Variants in NT5DC1 observed in about 807,000 individuals in gnomAD.
NT5DC1 encodes 5'-nucleotidase domain containing 1.
Under a neutral mutation model 59.4 loss-of-function variants are expected in NT5DC1, and 42 were observed. The ratio of observed to expected loss-of-function variants is 0.71; its 90% CI spans 0.55 to 0.92. The LOEUF (loss-of-function observed/expected upper bound fraction) is 0.92, where lower values mean the gene tolerates loss of function less well. NT5DC1 is among the 40% of genes least tolerant of loss of function. The pLI, the probability that NT5DC1 is intolerant of heterozygous loss-of-function variation, is 0.00. For synonymous variants in NT5DC1, 172 were observed against 188.1 expected (o/e 0.91, Z 0.70); for missense variants, 501 against 537.1 (o/e 0.93, Z 0.66).
chr6:116,223,994 T>C (rs1781859718), intron 8 of NT5DC1, among the ~76,000 whole-genome samples: 1 of 152,174 alleles, frequency 6.6e-6, no homozygotes, highest in Admixed American at 6.5e-5. Flanking sequence ...TACATGCATA[T>C]TATATGCAAA....
At chr6:116,195,132 CATT>C (rs1489399082) in intron 6 of NT5DC1, among the ~76,000 whole-genome samples, 2 of 152,042 alleles carry the variant, frequency 1.3e-5, no homozygotes, top group Non-Finnish European at 2.9e-5. Flanking sequence ...TATATCATCT[CATT>C]GTTAGTTCTC....
At chr6:116,121,341 C>T (rs1283578377) in intron 6 of NT5DC1, 2 of 1,614,100 alleles carry the variant, frequency 1.2e-6, no homozygotes, top group African/African-American at 1.3e-5. Context: ...CCTTCTGGCC[C>T]TCGTTCCCCA....
At chr6:116,191,937 G>T (rs1781127348) in intron 6 of NT5DC1, among the ~76,000 whole-genome samples, 1 of 152,022 alleles carries the variant, frequency 6.6e-6, no homozygotes, top group African/African-American at 2.4e-5. Flanking sequence ...AAGCTACATT[G>T]ATTGCCATGA....
rs374250798 is a variant in NT5DC1, at chr6:116,121,192, T to G, written c.529+3247T>G. The stretch of plus-strand genomic sequence containing the variant: ...CAGGAAGGCCAGCAGGTCCTCTTTC[T>G]CCCTTCAGGCCTGGCAAGCCTGGTT... On this transcript the variant is annotated intron_variant, in intron 6 of 11. Transcript: ENST00000319550. The G allele has an allele frequency of 1.4e-4, 222 of 1,613,254 alleles. 2 individuals are homozygous for G. The East Asian group carries it at 4.6e-3, about 33-fold the overall frequency.
chr6:116,160,056 G>A (rs1446103644), intron 6 of NT5DC1, among the ~76,000 whole-genome samples: 1 of 152,044 alleles, frequency 6.6e-6, no homozygotes, highest in African/African-American at 2.4e-5. Context: ...TTGCTATTGT[G>A]AATAGTGCTC....
chr6:116,181,608 T>C (rs1166519582), intron 6 of NT5DC1, among the ~76,000 whole-genome samples: 1 of 152,132 alleles, frequency 6.6e-6, no homozygotes, highest in African/African-American at 2.4e-5. Context: ...CCACTTTTTT[T>C]CATTACATTA....
Position 116,245,815 on chromosome 6 carries a change from G to A in NT5DC1, c.*1791G>A, listed in dbSNP as rs79375219. 61 of 152,072 alleles carry A rather than the reference G, an allele frequency of 4.0e-4. No individual in the cohort carries two copies. The highest frequency in any genetic ancestry group is 1.4e-3 in the African/African-American group (60 of 41,490). 9.4% of individuals were successfully genotyped at this position (152,072 alleles called of 1,614,324 possible). A position where few individuals can be genotyped will look rare whatever the true frequency, so the allele number is the denominator to read the frequency against. On this transcript the variant is annotated 3_prime_UTR_variant, in exon 12 of 12. Coordinates refer to ENST00000319550, the MANE Select transcript of NT5DC1 (RefSeq NM_152729.3). ...CTTTTTGGGCCACTTGAGTAGTGGC[G>A]GGGGTTCAGGAGGCAGAATTCAGTT...
chr6:116,179,481 G>A (rs1215430744), intron 6 of NT5DC1, among the ~76,000 whole-genome samples: 1 of 151,950 alleles, frequency 6.6e-6, no homozygotes, highest in Admixed American at 6.6e-5. Context: ...CTAAGAACCC[G>A]AATAGACAAT....
intron 5 of NT5DC1, among the ~76,000 whole-genome samples, chr6:116,117,054 C>G (rs1367439784): frequency 6.6e-6 from 1 of 152,096 alleles, no homozygotes; most frequent in African/African-American, 2.4e-5. Flanking sequence ...ACTTGCAGCT[C>G]TTTCATATCG....
chr6:116,224,558 G>A (rs931512010), intron 8 of NT5DC1, among the ~76,000 whole-genome samples: 3 of 152,224 alleles, frequency 2.0e-5, no homozygotes, highest in African/African-American at 4.8e-5. Flanking sequence ...TGACTTGCAA[G>A]GCGAGCCCTA....
chr6:116,128,856 C>G (rs571118869), intron 6 of NT5DC1, among the ~76,000 whole-genome samples: 1 of 152,194 alleles, frequency 6.6e-6, no homozygotes, highest in South Asian at 2.1e-4. Context: ...TATCAGTGTT[C>G]TATTACCACC....
chr6:116,215,129 G>A (rs1256967740), intron 6 of NT5DC1, among the ~76,000 whole-genome samples: 1 of 152,100 alleles, frequency 6.6e-6, no homozygotes, highest in Non-Finnish European at 1.5e-5. Flanking sequence ...ACATTGTACT[G>A]ATATTAATGT....
At chr6:116,229,814 C>A (rs774183360) in intron 8 of NT5DC1, among the ~76,000 whole-genome samples, 6 of 152,126 alleles carry the variant, frequency 3.9e-5, no homozygotes, top group Admixed American at 1.3e-4. Flanking sequence ...TCTGTCTCGT[C>A]CCTTGGCCTT....
rs574672059 is a variant in NT5DC1, at chr6:116,235,251, C to T, written c.803-1715C>T. Among the ~76,000 whole-genome samples the T allele has an allele frequency of 3.3e-5, 5 of 152,074 alleles. No individual in the cohort carries two copies. In the East Asian group the frequency reaches 7.7e-4, roughly 23 times the overall value. ...ATTGCCATCAAATTCACATTATTTG[C>T]GTAGTAAGACATTTCAGTAAATAAA... On this transcript the variant is annotated intron_variant, in intron 8 of 11. Transcript: ENST00000319550.
At chr6:116,212,345 C>A (rs1292590288) in intron 6 of NT5DC1, among the ~76,000 whole-genome samples, 2 of 152,068 alleles carry the variant, frequency 1.3e-5, no homozygotes, top group African/African-American at 4.8e-5. Context: ...TGCTTAACTA[C>A]TCTGTCTATG....
chr6:116,165,595 A>C (rs1346116122), intron 6 of NT5DC1, among the ~76,000 whole-genome samples: 1 of 152,198 alleles, frequency 6.6e-6, no homozygotes, highest in African/African-American at 2.4e-5. Flanking sequence ...TCCTACATCC[A>C]CAACAGTGGA....
At chr6:116,172,031 G>C (rs1780619387) in intron 6 of NT5DC1, among the ~76,000 whole-genome samples, 1 of 152,060 alleles carries the variant, frequency 6.6e-6, no homozygotes, top group Admixed American at 6.6e-5. Flanking sequence ...TTAAGAGGAA[G>C]GTAGAGAAAA....
chr6:116,239,297 C>T (rs913920863), intron 11 of NT5DC1, among the ~76,000 whole-genome samples, 174 bp downstream of exon 11: 3 of 152,122 alleles, frequency 2.0e-5, no homozygotes, highest in Non-Finnish European at 4.4e-5. Flanking sequence ...TGGGAGGCAA[C>T]TACAAAAGCT....
At position 116,246,582 on chromosome 6, in the gene NT5DC1, C is replaced by T. The variant is rs1163970534; in HGVS notation, c.*2558C>T. The T allele has an allele frequency of 1.3e-5, 2 of 152,012 alleles. No homozygotes were observed. Among genetic ancestry groups the T allele is most frequent in the Non-Finnish European group, 2.9e-5 (2 of 67,962 alleles). 9.4% of individuals were successfully genotyped at this position (152,012 alleles called of 1,614,324 possible). Reference sequence around the variant, plus strand: ...TAAAATGGAAAATCAAACTGCCTCTCTAGATATAATAACCTTCACTGACTG... The same window carrying T: ...TAAAATGGAAAATCAAACTGCCTCTTTAGATATAATAACCTTCACTGACTG... On this transcript the variant is annotated 3_prime_UTR_variant, in exon 12 of 12. Coordinates refer to ENST00000319550, the MANE Select transcript of NT5DC1 (RefSeq NM_152729.3).
Sources: gnomAD v4.1 joint callset for allele counts (sites outside exome capture counted in the v4.1 genomes callset) on GRCh38, gnomAD v4.1.1 for gene constraint, MANE v1.5 for transcripts, NCBI Gene and HGNC (gene_info 2026-07-23, HGNC 2026-07-21) for gene names.